The following JPH3 variants were observed in gnomAD, a reference collection of about 807,000 sequenced individuals.
JPH3 encodes junctophilin 3.
JPH3 carries 11 observed loss-of-function variants against 59.6 expected under a neutral mutation model. The observed-to-expected ratio is 0.18, with a 90% CI of 0.12 to 0.31. JPH3 has a LOEUF of 0.31. JPH3 is among the 10% of genes least tolerant of loss of function. The probability of loss-of-function intolerance (pLI) is 1.00; values close to 1 mark genes in which losing one functional copy is unlikely to be tolerated. For missense variants in JPH3, 1,202 were observed against 1,105.7 expected (o/e 1.09, Z -1.24); for synonymous variants, 673 against 483.6 (o/e 1.39, Z -5.14).
In JPH3 at chr16:87,603,183, G is replaced by T; in HGVS notation, c.37G>T (p.Gly13Trp). 1 of 1,613,972 alleles carries T rather than the reference G, an allele frequency of 6.2e-7. No individual in the cohort carries two copies. The highest frequency in any genetic ancestry group is 8.5e-7 in the Non-Finnish European group (1 of 1,179,918). The change falls in exon 1 of 5, where the codon GGG becomes TGG. Residue 13 changes from glycine (G) to tryptophan (W), a missense_variant. Transcript: ENST00000284262. ...GGGCAGGTTTAATTTTGACGACGGA[G>T]GGTCCTACTGTGGAGGCTGGGAGGA... ...SGGRFNFDDG[G>W]SYCGGWEDGK...
chr16:87,636,457 T>C (rs1388936528), intron 1 of JPH3, among the ~76,000 whole-genome samples: 2 of 152,168 alleles, frequency 1.3e-5, no homozygotes, highest in Non-Finnish European at 2.9e-5. Context: ...TGTCGCTTTA[T>C]TGAGCAACCG....
At position 87,636,023 on chromosome 16, in the gene JPH3, G is replaced by T. The variant is rs973296639; in HGVS notation, c.383-8235G>T. Among the ~76,000 whole-genome samples, 4 of 152,370 alleles carry T rather than the reference G, an allele frequency of 2.6e-5. No homozygotes were observed. In the East Asian group the frequency reaches 7.7e-4, roughly 29 times the overall value. ...TCTAGCTCTGGGGGCCGTGCTGACCGAGCCAGACCCTCGCGGCGGCCCACA... is the reference window on the plus strand; with the variant it reads ...TCTAGCTCTGGGGGCCGTGCTGACCTAGCCAGACCCTCGCGGCGGCCCACA... On this transcript the variant is annotated intron_variant, in intron 1 of 4. Coordinates refer to ENST00000284262, the MANE Select transcript of JPH3 (RefSeq NM_020655.4).
intron 1 of JPH3, among the ~76,000 whole-genome samples, chr16:87,621,373 C>A (rs991323487): frequency 2.6e-5 from 4 of 152,200 alleles, no homozygotes; most frequent in Non-Finnish European, 4.4e-5. Context: ...ACAGCCCAGA[C>A]CTGGGATCCG....
chr16:87,656,463 C>T (rs575704583), intron 2 of JPH3, among the ~76,000 whole-genome samples: 6 of 152,206 alleles, frequency 3.9e-5, no homozygotes, highest in African/African-American at 1.2e-4. Flanking sequence ...CGTTCTGCCC[C>T]GGTATGTCTG....
chr16:87,646,085 C>G (rs999496728), intron 2 of JPH3, among the ~76,000 whole-genome samples: 6 of 152,144 alleles, frequency 3.9e-5, no homozygotes, highest in African/African-American at 1.4e-4. Flanking sequence ...AGGAGGCTTC[C>G]CAGGGCACGT....
intron 2 of JPH3, among the ~76,000 whole-genome samples, chr16:87,648,142 G>A (rs1597260439): frequency 6.6e-6 from 1 of 152,306 alleles, no homozygotes; most frequent in African/African-American, 2.4e-5. Context: ...GAGGTGGGAG[G>A]CTACACAGTA....
Position 87,689,992 on chromosome 16 carries a change from C to A in JPH3, c.1632C>A (p.Ser544Arg). 6.7e-7 allele frequency: 1 copy of A among 1,491,100 alleles called. No homozygotes were observed. The allele number at this position is 1,491,100 out of a possible 1,614,324, so 92.4% of individuals were successfully genotyped here. A position where few individuals can be genotyped will look rare whatever the true frequency, so the allele number is the denominator to read the frequency against. The change falls in exon 4 of 5, where the codon AGC (serine) becomes AGA (arginine). Residue 544 changes from serine (S) to arginine (R), a missense_variant. Ser to Arg is a moderately radical substitution (Grantham distance 110). Transcript: ENST00000284262. Reference protein sequence around the residue: ...EQAGGSRGVRSGALRGGLLVD... With the variant: ...EQAGGSRGVRRGALRGGLLVD... ...CCGGGGGCTCCAGGGGTGTCCGCAG[C>A]GGTGCCCTGCGCGGCGGCCTGCTCG...
At chr16:87,629,697 A>T (rs1218284399) in intron 1 of JPH3, among the ~76,000 whole-genome samples, 1 of 151,686 alleles carries the variant, frequency 6.6e-6, no homozygotes, top group Non-Finnish European at 1.5e-5. Context: ...GGAGGGAGGG[A>T]CAGACAGGCG....
At chr16:87,687,090 A>G (rs892899844) in intron 3 of JPH3, among the ~76,000 whole-genome samples, 1 of 152,176 alleles carries the variant, frequency 6.6e-6, no homozygotes, top group Non-Finnish European at 1.5e-5. Flanking sequence ...GATTTGATCC[A>G]AGCATTTCTT....
intron 2 of JPH3, among the ~76,000 whole-genome samples, chr16:87,664,912 G>C (rs2032815027): frequency 6.6e-6 from 1 of 152,158 alleles, no homozygotes; most frequent in South Asian, 2.1e-4. Context: ...GCATCTCCAG[G>C]GTGAACCTGG....
At chr16:87,618,593 A>G (rs1293954605) in intron 1 of JPH3, among the ~76,000 whole-genome samples, 3 of 152,094 alleles carry the variant, frequency 2.0e-5, no homozygotes, top group Non-Finnish European at 4.4e-5. Flanking sequence ...ACCTGGCCAC[A>G]CTGTTTACTC....
intron 2 of JPH3, 58 bp from the exon 3 acceptor site, chr16:87,684,084 C>G: frequency 1.4e-6 from 2 of 1,381,080 alleles, no homozygotes; most frequent in Non-Finnish European, 2.1e-6. Context: ...TACCTCAACC[C>G]AGACCCCTGT....
In JPH3 at chr16:87,687,031, A is replaced by G. The variant is rs569953510; in HGVS notation, c.1286-2615A>G. Among the ~76,000 whole-genome samples, 3 of 152,226 alleles carry G rather than the reference A, an allele frequency of 2.0e-5. No individual in the cohort carries two copies. The South Asian group carries it at 6.2e-4, about 32-fold the overall frequency. On this transcript the variant is annotated intron_variant, in intron 3 of 4. Transcript: ENST00000284262. The stretch of plus-strand genomic sequence containing the variant: ...CTTCTCTGAGCAGCATCTTCCCTGG[A>G]GGGGGCGTTGGGACCGTGTGTTTTT...
At chr16:87,674,407 G>C (rs1258178338) in intron 2 of JPH3, among the ~76,000 whole-genome samples, 2 of 152,240 alleles carry the variant, frequency 1.3e-5, no homozygotes, top group Admixed American at 6.5e-5. Flanking sequence ...CAGGTTTCTA[G>C]CATGTGAGAG....
chr16:87,685,242 G>A (rs771372744), intron 3 of JPH3, among the ~76,000 whole-genome samples: 33 of 152,196 alleles, frequency 2.2e-4, no homozygotes, highest in Non-Finnish European at 3.5e-4. Flanking sequence ...GGCGAGTGCC[G>A]GGCCCTGCAG....
intron 1 of JPH3, among the ~76,000 whole-genome samples, chr16:87,618,982 G>C (rs1030796465): frequency 7.9e-5 from 12 of 151,884 alleles, no homozygotes; most frequent in African/African-American, 2.4e-4. Context: ...CCAGCTACTC[G>C]GAAGCTGAGG....
intron 2 of JPH3, among the ~76,000 whole-genome samples, chr16:87,670,573 C>G (rs1237973612): frequency 6.6e-6 from 1 of 152,242 alleles, no homozygotes; most frequent in African/African-American, 2.4e-5. Context: ...CTGGGCTGTG[C>G]GATCCACCTT....
intron 4 of JPH3, 68 bp downstream of exon 4, chr16:87,690,594 C>A (rs780046610): frequency 1.4e-6 from 2 of 1,391,700 alleles, no homozygotes; most frequent in Non-Finnish European, 1.9e-6. Context: ...CCTGGTGTTT[C>A]CTGAGGGTTT....
rs998252754 is a variant in JPH3, at chr16:87,694,154, CAGG to C, written c.2167-2416_2167-2414del. 1.3e-3 allele frequency: 206 copies of C among 152,802 alleles called. 2 individuals carry two copies. The highest frequency in any genetic ancestry group is 4.7e-3 in the African/African-American group (197 of 41,532). The allele number at this position is 152,802 out of a possible 1,614,324, so 9.5% of individuals were successfully genotyped here. A position where few individuals can be genotyped will look rare whatever the true frequency, so the allele number is the denominator to read the frequency against. On this transcript the variant is annotated intron_variant, in intron 4 of 4. Coordinates refer to ENST00000284262, the MANE Select transcript of JPH3 (RefSeq NM_020655.4). ...CACCCAGGTGTGGGCAGAACTGGAC[CAGG>C]AGGAGGAGGGGCAGCAGCTTGCTCA...
Sources: gnomAD v4.1 joint callset for allele counts (sites outside exome capture counted in the v4.1 genomes callset) on GRCh38, gnomAD v4.1.1 for gene constraint, MANE v1.5 for transcripts, NCBI Gene and HGNC (gene_info 2026-07-23, HGNC 2026-07-21) for gene names.